CBLB: variants seen among roughly 807,000 people sequenced by gnomAD.
CBLB encodes E3 ubiquitin-protein ligase CBL-B.
CBLB carries 31 observed loss-of-function variants against 104.9 expected under a neutral mutation model. That is an observed-to-expected ratio of 0.30 (90% confidence interval 0.22 to 0.40). The LOEUF is 0.40. CBLB is among the 10% of genes least tolerant of loss of function. The pLI is 1.00. For synonymous variants in CBLB, 440 were observed against 422.6 expected, an observed-to-expected ratio of 1.04 and a Z score of -0.51; for missense variants, 1,062 against 1,214.6, an observed-to-expected ratio of 0.87 and a Z score of 1.87.
At chr3:105,688,634 T>C (rs1304240432) in intron 13 of CBLB, among the ~76,000 whole-genome samples, 1 of 152,106 alleles carries the variant, frequency 6.6e-6, no homozygotes, top group Non-Finnish European at 1.5e-5. Context: ...ATATTTCTTA[T>C]ATTACATTAT....
chr3:105,834,236 TA>T (rs1481786095), intron 3 of CBLB, among the ~76,000 whole-genome samples: 2 of 151,906 alleles, frequency 1.3e-5, no homozygotes, highest in South Asian at 2.1e-4. Context: ...TCTCACCAGT[TA>T]AAAAAGAAAA....
chr3:105,868,842 G>T lies in CBLB; in HGVS notation c.-121C>A, dbSNP rs543582580. Reference sequence around the variant, plus strand: ...CCCCGGCTGGGAGTGGGATCGCTGAGAACAGCTCGCTCCCGAAGAAGGAGC... The same window carrying T: ...CCCCGGCTGGGAGTGGGATCGCTGATAACAGCTCGCTCCCGAAGAAGGAGC... On this transcript the variant is annotated 5_prime_UTR_variant, in exon 1 of 19. Coordinates refer to ENST00000394030, the MANE Select transcript of CBLB (RefSeq NM_170662.5). 1.2e-4 allele frequency: 121 copies of T among 1,008,454 alleles called. No homozygotes were observed. The Middle Eastern group carries it at 3.9e-3, about 33-fold the overall frequency. 62.5% of individuals were successfully genotyped at this position (1,008,454 alleles called of 1,614,324 possible).
chr3:105,680,648 A>G (rs924272776), intron 16 of CBLB, among the ~76,000 whole-genome samples: 2 of 152,248 alleles, frequency 1.3e-5, no homozygotes, highest in African/African-American at 4.8e-5. Flanking sequence ...GTGTCATTCA[A>G]AATACTAGTC....
At chr3:105,762,650 T>A (rs913749508) in intron 4 of CBLB, among the ~76,000 whole-genome samples, 1 of 152,252 alleles carries the variant, frequency 6.6e-6, no homozygotes, top group Non-Finnish European at 1.5e-5. Context: ...ATGGAAATGC[T>A]TGGACATCCA....
intron 11 of CBLB, among the ~76,000 whole-genome samples, chr3:105,703,418 G>C (rs1309533921): frequency 6.6e-6 from 1 of 152,062 alleles, no homozygotes; most frequent in Non-Finnish European, 1.5e-5. Flanking sequence ...AATCCACACA[G>C]TAAAATAAAC....
At chr3:105,685,610 T>C in intron 13 of CBLB, 144 bp from the exon 14 acceptor site, 1 of 709,688 alleles carries the variant, frequency 1.4e-6, no homozygotes, top group East Asian at 2.7e-5. Flanking sequence ...AAGCTGTTCT[T>C]ATATCAAATA....
At chr3:105,716,014 G>C (rs1055137208) in intron 10 of CBLB, among the ~76,000 whole-genome samples, 2 of 152,108 alleles carry the variant, frequency 1.3e-5, no homozygotes, top group African/African-American at 4.8e-5. Context: ...AGTCCAGCCT[G>C]GGCAACAAAG....
chr3:105,745,052 C>T (rs1008407296), intron 6 of CBLB, among the ~76,000 whole-genome samples: 3 of 152,138 alleles, frequency 2.0e-5, no homozygotes, highest in African/African-American at 7.2e-5. Flanking sequence ...CCAAATTCAT[C>T]CCTAAAATGG....
chr3:105,741,245 G>A (rs960430215), intron 6 of CBLB, among the ~76,000 whole-genome samples: 9 of 152,138 alleles, frequency 5.9e-5, no homozygotes, highest in African/African-American at 1.4e-4. Flanking sequence ...CTGTAGTGCA[G>A]TGGCGCCATC....
At chr3:105,664,767 G>A (rs1413338748) in intron 18 of CBLB, among the ~76,000 whole-genome samples, 2 of 152,064 alleles carry the variant, frequency 1.3e-5, no homozygotes, top group East Asian at 3.9e-4. Flanking sequence ...CTTTCCTAAG[G>A]TCATGTGAAA....
chr3:105,704,309 GATTA>G, intron 10 of CBLB, 136 bp from the exon 11 acceptor site: 1 of 803,666 alleles, frequency 1.2e-6, no homozygotes, highest in Non-Finnish European at 2.1e-6. Context: ...AGTTTACCCT[GATTA>G]ATAGAAGCAA....
At chr3:105,835,662 T>C (rs1015094840) in intron 3 of CBLB, among the ~76,000 whole-genome samples, 1 of 152,304 alleles carries the variant, frequency 6.6e-6, no homozygotes, top group South Asian at 2.1e-4. Context: ...TTCTGCTTCT[T>C]TCTAAGCTTC....
rs549020974 is a variant in CBLB at position 105,831,096 on chromosome 3, C to T, written c.419+22318G>A. Among the ~76,000 whole-genome samples the T allele has an allele frequency of 4.6e-5, 7 of 152,244 alleles. No homozygotes were observed. The South Asian group carries it at 1.0e-3, about 23-fold the overall frequency. The stretch of plus-strand genomic sequence containing the variant: ...TTTCTGATATATACTTCCCCCAAAC[C>T]AGACCATACACATAACCATGTTCAT... On this transcript the variant is annotated intron_variant, in intron 3 of 18. Transcript: ENST00000394030.
chr3:105,674,588 A>T (rs1208473998), intron 17 of CBLB, among the ~76,000 whole-genome samples: 1 of 152,240 alleles, frequency 6.6e-6, no homozygotes, highest in Non-Finnish European at 1.5e-5. Context: ...GCAGGACTTA[A>T]ATACAGTCTT....
In CBLB at chr3:105,720,166, C is replaced by T. The variant is rs1159337338; in HGVS notation, c.1288G>A (p.Asp430Asn). 1.9e-6 allele frequency: 3 copies of T among 1,613,826 alleles called. No homozygotes were observed. The highest frequency in any genetic ancestry group is 2.5e-6 in the Non-Finnish European group (3 of 1,179,938). ...PIIVDPFDPR[D>N]EGSRCCSIID... ...ATGCTGCAACACCTGGAGCCTTCATCTCTTGGATCAAAGGGGTCCACGATT... is the reference window on the plus strand; with the variant it reads ...ATGCTGCAACACCTGGAGCCTTCATTTCTTGGATCAAAGGGGTCCACGATT... The change falls in exon 10 of 19, where the codon GAT becomes AAT. Residue 430 changes from aspartate (D) to asparagine (N), a missense_variant. Asp to Asn is a conservative substitution (Grantham distance 23, BLOSUM62 1). Around this residue, in one of 2 missense-constraint regions of CBLB, gnomAD observed 457 missense variants for 632.0 expected, o/e 0.72. Coordinates refer to ENST00000394030, the MANE Select transcript of CBLB (RefSeq NM_170662.5).
chr3:105,731,890 G>A (rs1559998526), intron 9 of CBLB, among the ~76,000 whole-genome samples: 1 of 152,184 alleles, frequency 6.6e-6, no homozygotes, highest in Admixed American at 6.5e-5. Flanking sequence ...CAGATGTGAA[G>A]TCTTGCAACA....
chr3:105,678,439 A>C lies in CBLB; in HGVS notation c.2561T>G (p.Leu854Arg). 5.6e-6 allele frequency: 9 copies of C among 1,614,096 alleles called. No individual in the cohort carries two copies. Among genetic ancestry groups the C allele is most frequent in the Non-Finnish European group, 7.6e-6 (9 of 1,179,970 alleles). ...RPSSGQDLFL[L>R]PSDPFVDLAS... ...TGGCTTTTCCCTCCTACCTGAAGGA[A>C]GAAGAAAAAGATCCTGTCCTGAGGA... Residue 854 changes from leucine (L) to arginine (R), a missense_variant, in exon 17 of 19, where the codon CTT becomes CGT. By Grantham distance (102) the Leu-to-Arg change is moderately radical. This residue lies in a region of CBLB where 605 missense variants were observed against 582.6 expected (regional missense o/e 1.04). Transcript: ENST00000394030.
chr3:105,689,344 T>C (rs1470999008), intron 13 of CBLB, among the ~76,000 whole-genome samples: 1 of 151,186 alleles, frequency 6.6e-6, no homozygotes, highest in Non-Finnish European at 1.5e-5. Flanking sequence ...AGAATATATA[T>C]TCATAAAAAT....
intron 2 of CBLB, among the ~76,000 whole-genome samples, chr3:105,856,057 T>G (rs1163039267): frequency 6.6e-6 from 1 of 151,980 alleles, no homozygotes; most frequent in Non-Finnish European, 1.5e-5. Flanking sequence ...ACACTTACTT[T>G]CTTAAAGAAA....
Sources: gnomAD v4.1 joint callset for allele counts (sites outside exome capture counted in the v4.1 genomes callset) on GRCh38, gnomAD v4.1.1 for gene constraint, gnomAD v4.1.1 regional missense constraint, MANE v1.5 for transcripts, NCBI Gene and HGNC (gene_info 2026-07-23, HGNC 2026-07-21) for gene names.